Variants in B3GALT1 observed in about 807,000 individuals in gnomAD.
The protein encoded by B3GALT1 is UDP-Gal:betaGlcNAc beta 1,3-galactosyltransferase, polypeptide 1.
Under a neutral mutation model 23.2 loss-of-function variants are expected in B3GALT1, and 10 were observed. The ratio of observed to expected loss-of-function variants is 0.43; its 90% CI spans 0.27 to 0.73. The LOEUF (loss-of-function observed/expected upper bound fraction) is 0.73. B3GALT1 is among the 30% of genes least tolerant of loss of function. The probability of loss-of-function intolerance (pLI) is 0.21; values close to 1 mark genes in which losing one functional copy is unlikely to be tolerated. For synonymous variants in B3GALT1, 156 were observed against 141.5 expected (o/e 1.10, Z -0.73); for missense variants, 299 against 405.4 (o/e 0.74, Z 2.25).
intron 4 of B3GALT1, among the ~76,000 whole-genome samples, chr2:167,847,227 G>A (rs1328522305): frequency 1.3e-5 from 2 of 152,056 alleles, no homozygotes; most frequent in African/African-American, 4.8e-5. Context: ...AGAAACAATG[G>A]ATTTAAACTA....
At chr2:167,485,377 C>T (rs1050124093) in intron 1 of B3GALT1, among the ~76,000 whole-genome samples, 2 of 152,112 alleles carry the variant, frequency 1.3e-5, no homozygotes, top group Admixed American at 6.5e-5. Context: ...CTGTAACTAA[C>T]AATCAGGATA....
rs1489682847 is a variant in B3GALT1 at position 167,869,516 on chromosome 2, G to A, written c.477G>A (p.Gly159=). Residue 159 remains glycine (G), a synonymous_variant, in exon 5 of 5, where the codon GGG becomes GGA. Transcript: ENST00000392690. The surrounding 1 kb of genome is among the most constrained non-coding windows in gnomAD (Gnocchi z 6.4). ...YHNLTLKTLM[G]MRWVATFCSK... is the part of the protein sequence containing the mutation. ...ACCTTACCCTCAAAACATTAATGGG[G>A]ATGAGATGGGTGGCCACTTTTTGTT... 1.9e-6 allele frequency: 3 copies of A among 1,614,020 alleles called. No homozygotes were observed. In the South Asian group the frequency reaches 3.3e-5, roughly 18 times the overall value.
chr2:167,763,802 T>C (rs1453602472), intron 3 of B3GALT1, among the ~76,000 whole-genome samples: 1 of 151,902 alleles, frequency 6.6e-6, no homozygotes, highest in Non-Finnish European at 1.5e-5. Context: ...GAATCATCTC[T>C]AGCCTGTAAG....
intron 2 of B3GALT1, among the ~76,000 whole-genome samples, chr2:167,580,073 A>G (rs1380911144): frequency 2.0e-5 from 3 of 152,128 alleles, no homozygotes; most frequent in Non-Finnish European, 4.4e-5. Flanking sequence ...GTTGGATAAA[A>G]TAATGATATT....
At position 167,728,109 on chromosome 2, in the gene B3GALT1, G is replaced by A. The variant is rs954638612; in HGVS notation, c.-352+81143G>A. ...TTTCGTGTCAAAGCTGCACCAGGCCGGGTATGGTGGCTCATGCCTATAATC... is the reference window on the plus strand; with the variant it reads ...TTTCGTGTCAAAGCTGCACCAGGCCAGGTATGGTGGCTCATGCCTATAATC... On this transcript the variant is annotated intron_variant, in intron 3 of 4. Coordinates refer to ENST00000392690, the MANE Select transcript of B3GALT1 (RefSeq NM_020981.4). Among the ~76,000 whole-genome samples, 16 of 152,168 alleles carry A rather than the reference G, an allele frequency of 1.1e-4. 1 individual carries two copies. Among genetic ancestry groups the A allele is most frequent in the African/African-American group, 1.9e-4 (8 of 41,438 alleles).
chr2:167,606,401 T>A lies in B3GALT1; in HGVS notation c.-409-40508T>A, dbSNP rs572911558. ...CTAACACTTTAAGTCTCTGAAAAAA[T>A]TATATCATTAAACTTATTCATTATC... On this transcript the variant is annotated intron_variant, in intron 2 of 4. Coordinates refer to ENST00000392690, the MANE Select transcript of B3GALT1 (RefSeq NM_020981.4). Among the ~76,000 whole-genome samples the A allele has an allele frequency of 4.6e-5, 7 of 152,284 alleles. No individual in the cohort carries two copies. The South Asian group carries it at 1.2e-3, about 27-fold the overall frequency.
chr2:167,356,185 C>T (rs1476903986), intron 1 of B3GALT1, among the ~76,000 whole-genome samples: 1 of 152,180 alleles, frequency 6.6e-6, no homozygotes, highest in Non-Finnish European at 1.5e-5. Flanking sequence ...GTTGATACTT[C>T]ATTTATAATA....
At chr2:167,449,154 G>A (rs7585935) in intron 1 of B3GALT1, among the ~76,000 whole-genome samples, 16,957 of 152,046 alleles carry the variant, frequency 0.11, 1,095 homozygotes, top group African/African-American at 0.19. Flanking sequence ...CATTTTGATG[G>A]GAATTGCATT....
chr2:167,812,019 C>G (rs1036055468), intron 3 of B3GALT1, among the ~76,000 whole-genome samples: 6 of 152,308 alleles, frequency 3.9e-5, no homozygotes, highest in African/African-American at 1.2e-4. Flanking sequence ...TTTTCCCTAT[C>G]AACAGATAAC....
chr2:167,326,008 G>C (rs1380299693), intron 1 of B3GALT1, among the ~76,000 whole-genome samples: 1 of 151,882 alleles, frequency 6.6e-6, no homozygotes, highest in African/African-American at 2.4e-5. Context: ...GAGCCAGTGT[G>C]CCAGGCCTTC....
At chr2:167,856,237 A>C (rs1257266861) in intron 4 of B3GALT1, among the ~76,000 whole-genome samples, 3 of 152,174 alleles carry the variant, frequency 2.0e-5, no homozygotes, top group African/African-American at 7.2e-5. Context: ...ATGTTCTAAA[A>C]TATGTTTTCT....
At chr2:167,844,639 A>G (rs1474931854) in intron 4 of B3GALT1, among the ~76,000 whole-genome samples, 1 of 152,210 alleles carries the variant, frequency 6.6e-6, no homozygotes, top group Non-Finnish European at 1.5e-5. Context: ...GGGCACCACA[A>G]GGATCCGTCG....
At chr2:167,439,322 T>C (rs1698839997) in intron 1 of B3GALT1, among the ~76,000 whole-genome samples, 1 of 152,230 alleles carries the variant, frequency 6.6e-6, no homozygotes, top group African/African-American at 2.4e-5. Context: ...TCAATTCCTT[T>C]GAATCCTATT....
Position 167,633,009 on chromosome 2 carries a change from G to T in B3GALT1, c.-409-13900G>T, listed in dbSNP as rs965327745. Among the ~76,000 whole-genome samples, 28 of 151,832 alleles carry T rather than the reference G, an allele frequency of 1.8e-4. 1 individual carries two copies. The highest frequency in any genetic ancestry group is 7.4e-5 in the Non-Finnish European group (5 of 67,884). On this transcript the variant is annotated intron_variant, in intron 2 of 4. Coordinates refer to ENST00000392690, the MANE Select transcript of B3GALT1 (RefSeq NM_020981.4). Reference sequence around the variant, plus strand: ...GGAAGGGGTCCGGTTTCAGTTTTCTGCATATGGCTAGCCAGTTTTCCCAAC... The same window carrying T: ...GGAAGGGGTCCGGTTTCAGTTTTCTTCATATGGCTAGCCAGTTTTCCCAAC...
At chr2:167,402,878 T>G (rs1384632253) in intron 1 of B3GALT1, among the ~76,000 whole-genome samples, 1 of 152,150 alleles carries the variant, frequency 6.6e-6, no homozygotes, top group Non-Finnish European at 1.5e-5. Context: ...GTTTCAATAA[T>G]GCAATCCTGA....
intron 4 of B3GALT1, among the ~76,000 whole-genome samples, chr2:167,866,208 G>A (rs914937712): frequency 1.3e-5 from 2 of 152,198 alleles, no homozygotes; most frequent in Non-Finnish European, 2.9e-5. Flanking sequence ...CATGGGTGGA[G>A]GAGTGAGATT....
intron 2 of B3GALT1, among the ~76,000 whole-genome samples, chr2:167,633,868 C>G (rs1459566982): frequency 6.6e-6 from 1 of 152,140 alleles, no homozygotes; most frequent in Non-Finnish European, 1.5e-5. Flanking sequence ...ACAGAACTCT[C>G]CACCTCAGAT....
At chr2:167,750,361 G>A (rs1262848664) in intron 3 of B3GALT1, among the ~76,000 whole-genome samples, 2 of 152,116 alleles carry the variant, frequency 1.3e-5, no homozygotes, top group Non-Finnish European at 2.9e-5. Context: ...AGTGGGATTG[G>A]TATTTCTGAA....
At chr2:167,630,590 G>A (rs1277624796) in intron 2 of B3GALT1, among the ~76,000 whole-genome samples, 1 of 151,388 alleles carries the variant, frequency 6.6e-6, no homozygotes, top group Non-Finnish European at 1.5e-5. Flanking sequence ...ATTTTGGAGT[G>A]AAGTGTCATG....
Sources: allele counts gnomAD v4.1 joint callset (sites outside exome capture counted in the v4.1 genomes callset), GRCh38; gene constraint gnomAD v4.1.1; non-coding constraint Gnocchi (gnomAD v3.1); transcripts MANE v1.5; gene names NCBI Gene and HGNC (gene_info 2026-07-23, HGNC 2026-07-21).